DGKB: variants seen among roughly 807,000 people sequenced by gnomAD.
DGKB encodes the protein 90 kDa diacylglycerol kinase.
DGKB carries 67 observed loss-of-function variants against 114.3 expected under a neutral mutation model. The ratio of observed to expected loss-of-function variants is 0.59; its 90% CI spans 0.48 to 0.72. The LOEUF is 0.72. Among genes scored for constraint, DGKB ranks in the 30% least tolerant of loss-of-function variants. DGKB has a pLI of 0.00. For missense variants in DGKB, 907 were observed against 975.2 expected (o/e 0.93, Z 0.93); for synonymous variants, 398 against 323.1 (o/e 1.23, Z -2.49).
intron 21 of DGKB, among the ~76,000 whole-genome samples, chr7:14,348,339 A>T (rs1486024579): frequency 6.6e-6 from 1 of 152,066 alleles, no homozygotes; most frequent in Admixed American, 6.6e-5. Flanking sequence ...TTTATCACTG[A>T]GTAGTAGTAC....
chr7:14,360,853 G>A (rs1183149716), intron 21 of DGKB, among the ~76,000 whole-genome samples: 1 of 151,966 alleles, frequency 6.6e-6, no homozygotes, highest in African/African-American at 2.4e-5. Context: ...TCACTGAAAG[G>A]CCAGTTAATA....
At chr7:14,683,864 T>C (rs1225655681) in intron 10 of DGKB, among the ~76,000 whole-genome samples, 1 of 152,066 alleles carries the variant, frequency 6.6e-6, no homozygotes, top group Non-Finnish European at 1.5e-5. Flanking sequence ...TAATATTGAA[T>C]ATTGCATTCA....
At chr7:14,256,255 T>C (rs1393002791) in intron 23 of DGKB, among the ~76,000 whole-genome samples, 5 of 152,138 alleles carry the variant, frequency 3.3e-5, no homozygotes, top group Non-Finnish European at 7.4e-5. Context: ...TCTTAGCTCA[T>C]TTATTTTTAT....
intron 13 of DGKB, among the ~76,000 whole-genome samples, chr7:14,653,326 TA>T (rs1815013220): frequency 6.6e-6 from 1 of 151,970 alleles, no homozygotes; most frequent in African/African-American, 2.4e-5. Context: ...TATGCAGCCA[TA>T]AAAAATGATG....
At chr7:14,226,151 A>C (rs2128331650) in intron 23 of DGKB, among the ~76,000 whole-genome samples, 1 of 152,150 alleles carries the variant, frequency 6.6e-6, no homozygotes, top group East Asian at 1.9e-4. Flanking sequence ...GAAATGAAAT[A>C]AGTAAAAATA....
chr7:14,731,681 A>G (rs2128389330), intron 5 of DGKB, among the ~76,000 whole-genome samples: 1 of 152,270 alleles, frequency 6.6e-6, no homozygotes, highest in African/African-American at 2.4e-5. Flanking sequence ...TGTGAGCCTC[A>G]ACCATCTTTC....
rs1821522591 is a variant in DGKB at position 14,685,467 on chromosome 7, T to C, written c.712-105A>G. On this transcript the variant is annotated intron_variant, in intron 9 of 25. Transcript: ENST00000402815. ...TGGACTGAAGCATGTGAAGACAATCTGTTATTTCATCCCTGACTTTCTCCA... is the reference window on the plus strand; with the variant it reads ...TGGACTGAAGCATGTGAAGACAATCCGTTATTTCATCCCTGACTTTCTCCA... 7.6e-6 allele frequency: 6 copies of C among 786,234 alleles called. No individual in the cohort carries two copies. In the South Asian group the frequency reaches 1.0e-4, roughly 13 times the overall value. The allele number at this position is 786,234 out of a possible 1,614,324, so 48.7% of individuals were successfully genotyped here.
intron 21 of DGKB, among the ~76,000 whole-genome samples, chr7:14,423,159 G>A (rs892483552): frequency 3.3e-5 from 5 of 151,884 alleles, no homozygotes; most frequent in African/African-American, 1.2e-4. Context: ...AATTATAGAT[G>A]GAAAACTATA....
chr7:14,786,134 A>G (rs982638242), intron 2 of DGKB, among the ~76,000 whole-genome samples: 13 of 148,890 alleles, frequency 8.7e-5, no homozygotes, highest in Admixed American at 2.0e-4. Context: ...ATTTCCAGGA[A>G]CATGTACACA....
At chr7:14,804,715 A>G (rs1024355327) in intron 2 of DGKB, among the ~76,000 whole-genome samples, 1 of 151,978 alleles carries the variant, frequency 6.6e-6, no homozygotes, top group Admixed American at 6.6e-5. Flanking sequence ...AACTTCATCT[A>G]TGCTACTTTT....
chr7:14,483,883 A>G (rs905094082), intron 20 of DGKB, among the ~76,000 whole-genome samples: 1 of 152,108 alleles, frequency 6.6e-6, no homozygotes, highest in Non-Finnish European at 1.5e-5. Flanking sequence ...TAAACCTAGG[A>G]GCACCTCGAT....
chr7:14,304,046 A>AACACACACACACACACAC (rs773102280), intron 23 of DGKB, among the ~76,000 whole-genome samples: 3 of 112,732 alleles, frequency 2.7e-5, no homozygotes, highest in African/African-American at 1.0e-4. Flanking sequence ...GTTCTTATAG[A>AACACACACACACACACAC]ACACACACAC....
chr7:14,832,199 C>T (rs576397852), intron 2 of DGKB, among the ~76,000 whole-genome samples: 15 of 151,956 alleles, frequency 9.9e-5, no homozygotes, highest in Admixed American at 2.6e-4. Flanking sequence ...AAGTTGCTGA[C>T]GGCCAAAACT....
At chr7:14,967,397 T>C (rs1787216836) in intron 1 of DGKB, among the ~76,000 whole-genome samples, 1 of 152,046 alleles carries the variant, frequency 6.6e-6, no homozygotes, top group African/African-American at 2.4e-5. Flanking sequence ...CTCAGCTCAC[T>C]GGAACTTCTG....
chr7:14,894,648 T>C (rs1306615004), intron 1 of DGKB, among the ~76,000 whole-genome samples: 1 of 151,572 alleles, frequency 6.6e-6, no homozygotes, highest in South Asian at 2.1e-4. Flanking sequence ...TTTGATATTA[T>C]CTTTTTGATA....
Position 14,153,824 on chromosome 7 carries a change from G to A in DGKB, c.2305-4586C>T, listed in dbSNP as rs149273716. ...CATCAGGCTTTTCAAAAACATTAGC[G>A]CTAGAAGACAATGAAGAAACACCTT... On this transcript the variant is annotated intron_variant, in intron 25 of 25. Coordinates refer to ENST00000402815, the MANE Select transcript of DGKB (RefSeq NM_001350709.2). 9.8e-4 allele frequency among the ~76,000 whole-genome samples: 149 copies of A among 152,092 alleles called. 1 individual carries two copies. Among genetic ancestry groups the A allele is most frequent in the African/African-American group, 3.5e-3 (144 of 41,522 alleles).
chr7:14,601,905 T>G (rs1462984434), intron 17 of DGKB, among the ~76,000 whole-genome samples: 9 of 151,980 alleles, frequency 5.9e-5, no homozygotes, highest in Admixed American at 5.9e-4. Context: ...ACTGAACCTC[T>G]CTCTATGGTC....
chr7:14,616,032 T>A (rs1009165967), intron 15 of DGKB, among the ~76,000 whole-genome samples: 1 of 151,046 alleles, frequency 6.6e-6, no homozygotes, highest in African/African-American at 2.4e-5. Context: ...GTAATATTTT[T>A]ATTTTTTTGA....
intron 5 of DGKB, among the ~76,000 whole-genome samples, chr7:14,721,647 T>C (rs535876322): frequency 6.6e-6 from 1 of 152,270 alleles, no homozygotes; most frequent in South Asian, 2.1e-4. Context: ...GCTTAAAGCT[T>C]ATATAAAAGA....
Sources: gnomAD v4.1 joint callset for allele counts (sites outside exome capture counted in the v4.1 genomes callset) on GRCh38, gnomAD v4.1.1 for gene constraint, MANE v1.5 for transcripts, NCBI Gene and HGNC (gene_info 2026-07-23, HGNC 2026-07-21) for gene names.